SDHA: variants seen among roughly 807,000 people sequenced by gnomAD.
SDHA encodes succinate dehydrogenase complex flavoprotein subunit A.
SDHA carries 48 observed loss-of-function variants against 78.4 expected under a neutral mutation model. That is an observed-to-expected ratio of 0.61 (90% CI 0.49 to 0.78). SDHA has a LOEUF of 0.78. Ranked by LOEUF, SDHA falls within the 30% of genes least tolerant of loss-of-function variation. SDHA has a pLI of 0.00. For missense variants in SDHA, 680 were observed against 892.7 expected (o/e 0.76, Z 3.04); for synonymous variants, 326 against 353.9 (o/e 0.92, Z 0.88).
chr5:246,358 C>G (rs1193607133), intron 11 of SDHA, among the ~76,000 whole-genome samples: 1 of 149,902 alleles, frequency 6.7e-6, no homozygotes, highest in Non-Finnish European at 1.5e-5. Context: ...TAGAATCGAT[C>G]CAGAGAAGAC....
rs568727479 is a variant in SDHA at position 249,727 on chromosome 5, C to A, written c.1552-1265C>A. 2.0e-5 allele frequency: 3 copies of A among 152,368 alleles called. No individual in the cohort carries two copies. In the East Asian group the frequency reaches 5.8e-4, roughly 29 times the overall value. The allele number at this position is 152,368 out of a possible 1,614,324, so 9.4% of individuals were successfully genotyped here. Reference sequence around the variant, plus strand: ...ATTTCCCACTTCACATGCTGTATTTCTGTGTGTGTGTCTTTAATTCCTCCA... The same window carrying A: ...ATTTCCCACTTCACATGCTGTATTTATGTGTGTGTGTCTTTAATTCCTCCA... On this transcript the variant is annotated intron_variant, in intron 11 of 14. Transcript: ENST00000264932.
chr5:244,338 G>A (rs1736319872), intron 11 of SDHA, among the ~76,000 whole-genome samples: 1 of 151,850 alleles, frequency 6.6e-6, no homozygotes, highest in Non-Finnish European at 1.5e-5. Context: ...GTTTAAAAGG[G>A]TACAAATACA....
intron 10 of SDHA, among the ~76,000 whole-genome samples, chr5:238,109 C>T (rs1007736582): frequency 6.6e-6 from 1 of 150,728 alleles, no homozygotes; most frequent in African/African-American, 2.5e-5. Flanking sequence ...AAACCGCCCA[C>T]GCATGCAGCA....
At chr5:241,410 T>C (rs1736132021) in intron 11 of SDHA, among the ~76,000 whole-genome samples, 1 of 152,200 alleles carries the variant, frequency 6.6e-6, no homozygotes, top group Admixed American at 6.5e-5. Context: ...GCTGGACTTG[T>C]TGCTGCCTCT....
rs368488126 is a variant in SDHA at position 235,168 on chromosome 5, C to T, written c.1089C>T (p.His363=). 3.3e-5 allele frequency: 53 copies of T among 1,613,992 alleles called. No homozygotes were observed. In the East Asian group the frequency reaches 8.5e-4, roughly 26 times the overall value. The part of the protein sequence containing the change: ...EGRGCGPEKD[H]VYLQLHHLPP... The stretch of plus-strand genomic sequence containing the variant: ...GAGGCTGTGGCCCTGAGAAAGATCA[C>T]GTCTACCTGCAGCTGCACCACCTAC... Residue 363 remains histidine (H), a synonymous_variant, in exon 9 of 15, where the codon CAC becomes CAT. Transcript: ENST00000264932.
intron 1 of SDHA, among the ~76,000 whole-genome samples, chr5:221,416 TG>T (rs1579375988): frequency 6.6e-6 from 1 of 152,222 alleles, no homozygotes; most frequent in Non-Finnish European, 1.5e-5. Context: ...GGTTCTTCGT[TG>T]GCTGCTTTTG....
intron 1 of SDHA, 109 bp downstream of exon 1, chr5:218,527 C>G (rs1000324545): frequency 5.8e-6 from 5 of 866,224 alleles, no homozygotes; most frequent in African/African-American, 1.8e-5. Context: ...TCCCTGCGCC[C>G]TCTGTCCCGG....
intron 12 of SDHA, 91 bp from the exon 13 acceptor site, chr5:251,247 A>G: frequency 6.6e-7 from 1 of 1,523,200 alleles, no homozygotes. Flanking sequence ...ACAACCAGTG[A>G]CTCCATGGAC....
chr5:240,526 C>G, intron 11 of SDHA, 50 bp downstream of exon 11: 2 of 1,206,934 alleles, frequency 1.7e-6, no homozygotes, highest in Non-Finnish European at 2.5e-6. Flanking sequence ...GCATACCTGG[C>G]CCTGCACTGG....
chr5:224,820 G>T (rs1734918009), intron 3 of SDHA: 1 of 450,024 alleles, frequency 2.2e-6, no homozygotes, highest in Non-Finnish European at 4.1e-6. Flanking sequence ...TTAAGAAAAG[G>T]AGATCACCTA....
chr5:259,087 T>G (rs1451120840), downstream of SDHA, among the ~76,000 whole-genome samples: 2,164 of 24,350 alleles, frequency 0.089, 173 homozygotes, highest in Non-Finnish European at 0.1. Flanking sequence ...CCGCCTCCCG[T>G]CAGAGCATTA....
In SDHA at chr5:250,908, A is replaced by G. The variant is rs539159438; in HGVS notation, c.1552-84A>G. ...TTATGTAACTTTTAAGTGAAATGCA[A>G]AACAACAGGTCTAAAAGTTAAGCAG... On this transcript the variant is annotated intron_variant, in intron 11 of 14. Coordinates refer to ENST00000264932, the MANE Select transcript of SDHA (RefSeq NM_004168.4). 3 of 1,165,766 alleles carry G rather than the reference A, an allele frequency of 2.6e-6. No individual in the cohort carries two copies. In the African/African-American group the frequency reaches 4.5e-5, roughly 18 times the overall value. 72.2% of individuals were successfully genotyped at this position (1,165,766 alleles called of 1,614,324 possible).
intron 1 of SDHA, among the ~76,000 whole-genome samples, chr5:219,387 A>G (rs1418576192): frequency 6.6e-6 from 1 of 152,238 alleles, no homozygotes; most frequent in East Asian, 1.9e-4. Flanking sequence ...TTTTAAATGA[A>G]CTTACCCACC....
In SDHA at chr5:233,522, A is replaced by C. The variant is rs1735550179; in HGVS notation, c.941A>C (p.Glu314Ala). ...CTCATTACGGAAGGATGTCGTGGAG[A>C]GGGAGGCATTCTCATTAACAGTCAA... Reference protein sequence around the residue: ...GCLITEGCRGEGGILINSQGE... With the variant: ...GCLITEGCRGAGGILINSQGE... The change falls in exon 8 of 15, where the codon GAG becomes GCG. Residue 314 changes from glutamate to alanine, a missense_variant. Transcript: ENST00000264932. 4.3e-6 allele frequency: 7 copies of C among 1,614,172 alleles called. No individual in the cohort carries two copies. Among genetic ancestry groups the C allele is most frequent in the Non-Finnish European group, 5.1e-6 (6 of 1,180,030 alleles).
Position 224,574 on chromosome 5 carries a change from C to T in SDHA, c.312+53C>T, listed in dbSNP as rs1352535979. The T allele has an allele frequency of 3.1e-6, 5 of 1,592,120 alleles. No homozygotes were observed. In the African/African-American group the frequency reaches 4.1e-5, roughly 13 times the overall value. ...CCACTCCGTGCAGGTCCCGCGCAGC[C>T]TCGCACTTTCTACCTGGGCAGCCCC... On this transcript the variant is annotated intron_variant, in intron 3 of 14. Coordinates refer to ENST00000264932, the MANE Select transcript of SDHA (RefSeq NM_004168.4).
intron 8 of SDHA, 151 bp downstream of exon 8, chr5:233,796 G>A (rs1560995168): frequency 1.3e-6 from 1 of 742,606 alleles, no homozygotes; most frequent in South Asian, 1.5e-5. Context: ...GTTAGTCTGC[G>A]ATATTTTCCT....
intron 5 of SDHA, 109 bp downstream of exon 5, chr5:226,156 A>T: frequency 7.8e-7 from 1 of 1,278,922 alleles, no homozygotes; most frequent in East Asian, 2.4e-5. Context: ...TTACGTAAAA[A>T]GCAACAGAGA....
chr5:255,309 C>T (rs1193755909), intron 14 of SDHA, among the ~76,000 whole-genome samples: 1 of 151,808 alleles, frequency 6.6e-6, no homozygotes, highest in East Asian at 1.9e-4. Flanking sequence ...CCTTTGGACT[C>T]TCACTATCAT....
chr5:257,835 C>A (rs1440322773), downstream of SDHA, among the ~76,000 whole-genome samples: 2 of 40,562 alleles, frequency 4.9e-5, no homozygotes, highest in African/African-American at 1.2e-4. Context: ...CCACCCCCTG[C>A]CAGAGCATTA....
Sources: allele counts gnomAD v4.1 joint callset (sites outside exome capture counted in the v4.1 genomes callset), GRCh38; gene constraint gnomAD v4.1.1; transcripts MANE v1.5; gene names NCBI Gene and HGNC (gene_info 2026-07-23, HGNC 2026-07-21).